The following OSTF1 variants were observed in gnomAD, a reference collection of about 807,000 sequenced individuals.
OSTF1 encodes osteoclast-stimulating factor 1.
Under a neutral mutation model 37.2 loss-of-function variants are expected in OSTF1, and 27 were observed. The ratio of observed to expected loss-of-function variants is 0.73; its 90% CI spans 0.54 to 1.00. OSTF1 has a LOEUF of 1.00. Ranked by LOEUF, OSTF1 falls within the 50% of genes least tolerant of loss-of-function variation. OSTF1 has a pLI of 0.00. For synonymous variants in OSTF1, 82 were observed against 89.2 expected, an observed-to-expected ratio of 0.92 and a Z score of 0.46; for missense variants, 232 against 253.8, an observed-to-expected ratio of 0.91 and a Z score of 0.58.
At chr9:75,105,744 G>A (rs1000673409) in intron 1 of OSTF1, among the ~76,000 whole-genome samples, 1 of 152,080 alleles carries the variant, frequency 6.6e-6, no homozygotes, top group Non-Finnish European at 1.5e-5. Context: ...AGGGTTTTTA[G>A]GAACCATTGC....
chr9:75,089,087 T>G (rs1176976009), intron 1 of OSTF1, among the ~76,000 whole-genome samples: 1 of 152,104 alleles, frequency 6.6e-6, no homozygotes, highest in Non-Finnish European at 1.5e-5. Context: ...TGAAATGATC[T>G]TTAGCCACTT....
At chr9:75,112,528 G>C (rs1428867067) in intron 1 of OSTF1, among the ~76,000 whole-genome samples, 1 of 152,202 alleles carries the variant, frequency 6.6e-6, no homozygotes, top group Admixed American at 6.5e-5. Flanking sequence ...GTATGTAAAA[G>C]TGTTTTCTAC....
At chr9:75,133,702 A>G (rs1301448155) in intron 6 of OSTF1, among the ~76,000 whole-genome samples, 1 of 152,216 alleles carries the variant, frequency 6.6e-6, no homozygotes, top group Non-Finnish European at 1.5e-5. Flanking sequence ...GTCTAATCTT[A>G]CAGAAGGAAA....
chr9:75,088,781 GC>G, intron 1 of OSTF1, 55 bp downstream of exon 1: 1 of 1,538,696 alleles, frequency 6.5e-7, no homozygotes, highest in Non-Finnish European at 8.8e-7. Flanking sequence ...CGGTGCCGGC[GC>G]CTCCTCTGCA....
intron 1 of OSTF1, among the ~76,000 whole-genome samples, chr9:75,093,322 T>TA (rs1469202802): frequency 6.6e-6 from 1 of 152,174 alleles, no homozygotes. Flanking sequence ...TCTGGCTTGT[T>TA]AGAGTGTAGA....
rs534754694 is a variant in OSTF1 at position 75,095,113 on chromosome 9, T to A, written c.34+6387T>A. 3.3e-5 allele frequency among the ~76,000 whole-genome samples: 5 copies of A among 152,322 alleles called. No homozygotes were observed. In the South Asian group the frequency reaches 1.0e-3, roughly 32 times the overall value. The stretch of plus-strand genomic sequence containing the variant: ...TTTAAATAACTACATAGTATTCTGC[T>A]GAGCTCATTTAACCAGACCCTAATT... On this transcript the variant is annotated intron_variant, in intron 1 of 9. Transcript: ENST00000346234.
intron 2 of OSTF1, among the ~76,000 whole-genome samples, chr9:75,125,931 A>T (rs1825654885): frequency 6.6e-6 from 1 of 152,168 alleles, no homozygotes; most frequent in African/African-American, 2.4e-5. Context: ...ATTTTTTGAG[A>T]CAGAGTCTTG....
At chr9:75,098,337 G>A (rs1250242772) in intron 1 of OSTF1, among the ~76,000 whole-genome samples, 2 of 152,168 alleles carry the variant, frequency 1.3e-5, no homozygotes, top group Non-Finnish European at 2.9e-5. Context: ...GATGGGAAAG[G>A]ATAGGATGAG....
At chr9:75,095,020 AC>A (rs1441612357) in intron 1 of OSTF1, among the ~76,000 whole-genome samples, 1 of 152,202 alleles carries the variant, frequency 6.6e-6, no homozygotes, top group Non-Finnish European at 1.5e-5. Context: ...ACAGAGCGAG[AC>A]CCTGTCTCAA....
At chr9:75,128,214 C>T (rs1825690052) in intron 3 of OSTF1, among the ~76,000 whole-genome samples, 2 of 150,100 alleles carry the variant, frequency 1.3e-5, no homozygotes. Context: ...AAGTAAAAAG[C>T]AATCCCTAAA....
chr9:75,117,415 A>C, intron 1 of OSTF1, 89 bp from the exon 2 acceptor site: 1 of 858,928 alleles, frequency 1.2e-6, no homozygotes, highest in Non-Finnish European at 1.9e-6. Context: ...GTTTTTAATT[A>C]GGGAATTCTG....
chr9:75,122,854 T>C (rs535355797), intron 2 of OSTF1, among the ~76,000 whole-genome samples: 1 of 152,344 alleles, frequency 6.6e-6, no homozygotes, highest in East Asian at 1.9e-4. Context: ...CTGTGGAGAA[T>C]TTGTTTTCTC....
At chr9:75,107,524 T>TGG (rs1825309877) in intron 1 of OSTF1, among the ~76,000 whole-genome samples, 3 of 152,156 alleles carry the variant, frequency 2.0e-5, no homozygotes, top group Admixed American at 2.0e-4. Context: ...TTGGGGGAAA[T>TGG]GGGAGAATAT....
Position 75,137,607 on chromosome 9 carries a change from C to G in OSTF1, c.478C>G (p.Leu160Val), listed in dbSNP as rs140060824. ...KGYADIVQLLLAKGARTDLRN... is the reference protein window; with the variant it reads ...KGYADIVQLLVAKGARTDLRN... ...TTATGCAGATATCGTCCAGTTGCTT[C>G]TGGCAAAAGGTAAAGTTTGTGCTGA... Residue 160 changes from leucine (L) to valine (V), a missense_variant, in exon 8 of 10, where the codon CTG becomes GTG. Coordinates refer to ENST00000346234, the MANE Select transcript of OSTF1 (RefSeq NM_012383.5). 2.5e-4 allele frequency: 399 copies of G among 1,609,832 alleles called. No homozygotes were observed. The highest frequency in any genetic ancestry group is 2.5e-4 in the Admixed American group (15 of 60,012).
chr9:75,127,596 G>A lies in OSTF1; in HGVS notation c.109G>A (p.Asp37Asn). 1 of 1,578,618 alleles carries A rather than the reference G, an allele frequency of 6.3e-7. No individual in the cohort carries two copies. The change falls in exon 3 of 10, where the codon GAT (aspartate) becomes AAT (asparagine). Residue 37 changes from aspartate (D) to asparagine (N), a missense_variant. Coordinates refer to ENST00000346234, the MANE Select transcript of OSTF1 (RefSeq NM_012383.5). ...TPDELYFEEG[D>N]IIYITDMSDT... ...AGATGAATTATACTTTGAGGAAGGT[G>A]ATATTATCTACATTACTGACATGGT...
chr9:75,105,823 C>T (rs956873318), intron 1 of OSTF1, among the ~76,000 whole-genome samples: 1 of 152,122 alleles, frequency 6.6e-6, no homozygotes, highest in Admixed American at 6.5e-5. Context: ...TTTCAAACCC[C>T]GCTCTCTGGG....
chr9:75,119,527 C>G (rs1467628440), intron 2 of OSTF1, among the ~76,000 whole-genome samples: 1 of 152,178 alleles, frequency 6.6e-6, no homozygotes, highest in Non-Finnish European at 1.5e-5. Context: ...TCTCACAATT[C>G]CAGGAGCTAG....
At chr9:75,102,014 G>A (rs984355842) in intron 1 of OSTF1, among the ~76,000 whole-genome samples, 5 of 152,248 alleles carry the variant, frequency 3.3e-5, no homozygotes, top group Middle Eastern at 3.4e-3. Flanking sequence ...TGTCACCTAG[G>A]CTGGAAGGGC....
intron 1 of OSTF1, among the ~76,000 whole-genome samples, chr9:75,102,662 C>A (rs368897316): frequency 2.6e-5 from 4 of 152,182 alleles, no homozygotes; most frequent in Admixed American, 6.5e-5. Context: ...CATTCTTAGA[C>A]CCCGCTTCCT....
Sources: allele counts gnomAD v4.1 joint callset (sites outside exome capture counted in the v4.1 genomes callset), GRCh38; gene constraint gnomAD v4.1.1; transcripts MANE v1.5; gene names NCBI Gene and HGNC (gene_info 2026-07-23, HGNC 2026-07-21).